The following ARMC3 variants were observed in gnomAD, a reference collection of about 807,000 sequenced individuals.
ARMC3 encodes armadillo repeat containing 3, also known as armadillo repeat-containing protein 3.
In ARMC3, 74 loss-of-function variants were observed where a neutral mutation model predicts 90.3. The ratio of observed to expected loss-of-function variants is 0.82; its 90% CI spans 0.68 to 0.99. The LOEUF is 0.99. Ranked by LOEUF, ARMC3 falls within the 50% of genes least tolerant of loss-of-function variation. ARMC3 has a pLI of 0.00. For synonymous variants in ARMC3, 334 were observed against 361.8 expected, an observed-to-expected ratio of 0.92 and a Z score of 0.87; for missense variants, 958 against 1,042.8, an observed-to-expected ratio of 0.92 and a Z score of 1.12.
chr10:22,935,831 T>C (rs187578820), intron 2 of ARMC3, among the ~76,000 whole-genome samples: 16 of 152,328 alleles, frequency 1.1e-4, no homozygotes, highest in African/African-American at 3.1e-4. Flanking sequence ...TCTTTAGACA[T>C]TTTAGCAAAT....
chr10:22,962,134 T>C, intron 7 of ARMC3, 56 bp downstream of exon 7: 1 of 1,286,768 alleles, frequency 7.8e-7, no homozygotes, highest in Non-Finnish European at 1.0e-6. Context: ...TCCCAAATGT[T>C]TAAAAATGAA....
intron 3 of ARMC3, among the ~76,000 whole-genome samples, chr10:22,949,592 A>C (rs1834660619): frequency 6.6e-6 from 1 of 152,230 alleles, no homozygotes; most frequent in Non-Finnish European, 1.5e-5. Flanking sequence ...TTTTAAAAAG[A>C]TGAACAGAGA....
chr10:23,029,271 T>G (rs1304729038), intron 16 of ARMC3, among the ~76,000 whole-genome samples: 1 of 152,174 alleles, frequency 6.6e-6, no homozygotes, highest in South Asian at 2.1e-4. Context: ...GCATGGGGAA[T>G]TATGGAATTC....
At chr10:22,946,699 A>G (rs200557386) in intron 3 of ARMC3, 1 of 153,242 alleles carries the variant, frequency 6.5e-6, no homozygotes, top group African/African-American at 2.4e-5. Flanking sequence ...AATTCCTAAT[A>G]GTTTATGTAG....
chr10:22,983,115 A>G (rs1416232825), intron 10 of ARMC3, among the ~76,000 whole-genome samples: 1 of 152,176 alleles, frequency 6.6e-6, no homozygotes, highest in East Asian at 1.9e-4. Flanking sequence ...TTTTTCCAGT[A>G]TGGTCACATG....
intron 2 of ARMC3, among the ~76,000 whole-genome samples, chr10:22,937,397 T>C (rs1417178557): frequency 6.6e-6 from 1 of 152,140 alleles, no homozygotes; most frequent in African/African-American, 2.4e-5. Flanking sequence ...TATAATCAGC[T>C]TTAAAAATAT....
chr10:22,984,181 C>T (rs1060761), intron 10 of ARMC3, among the ~76,000 whole-genome samples: 71,200 of 152,012 alleles, frequency 0.47, 18,095 homozygotes, highest in African/African-American at 0.68. Flanking sequence ...GTAGTTAAAA[C>T]GTAACCCTTC....
chr10:23,029,746 T>G (rs1219991511), intron 16 of ARMC3, among the ~76,000 whole-genome samples: 1 of 152,214 alleles, frequency 6.6e-6, no homozygotes, highest in Non-Finnish European at 1.5e-5. Context: ...ACCAGAACTT[T>G]TAATTAAAAT....
At chr10:23,022,656 G>T (rs1287428018) in intron 16 of ARMC3, among the ~76,000 whole-genome samples, 1 of 152,166 alleles carries the variant, frequency 6.6e-6, no homozygotes, top group East Asian at 1.9e-4. Context: ...TAGGAATCTA[G>T]GGTAAGCAAA....
chr10:23,027,700 C>G (rs1433643583), intron 16 of ARMC3, among the ~76,000 whole-genome samples: 1 of 151,532 alleles, frequency 6.6e-6, no homozygotes, highest in East Asian at 1.9e-4. Context: ...ATTGAGGGAG[C>G]CATCTCAGCC....
intron 7 of ARMC3, among the ~76,000 whole-genome samples, chr10:22,967,967 G>A (rs1835511382): frequency 6.6e-6 from 1 of 152,166 alleles, no homozygotes; most frequent in Admixed American, 6.5e-5. Flanking sequence ...ATCAGCTTCT[G>A]TCTTGCTTTT....
chr10:23,028,781 C>T (rs926442873), intron 16 of ARMC3, among the ~76,000 whole-genome samples: 4 of 152,174 alleles, frequency 2.6e-5, no homozygotes, highest in Admixed American at 2.6e-4. Context: ...GTTCAGTTTT[C>T]AAAGTCTATG....
intron 17 of ARMC3, among the ~76,000 whole-genome samples, chr10:23,032,392 A>G (rs954851734): frequency 6.6e-6 from 1 of 152,178 alleles, no homozygotes; most frequent in African/African-American, 2.4e-5. Context: ...ATAAAACTTG[A>G]AAATGTTCTT....
intron 10 of ARMC3, among the ~76,000 whole-genome samples, chr10:22,985,199 T>A (rs1836364847): frequency 6.6e-6 from 1 of 151,916 alleles, no homozygotes; most frequent in Non-Finnish European, 1.5e-5. Context: ...GAGCTCCCTC[T>A]CAGCCTTTTG....
chr10:22,963,804 C>G (rs1223740483), intron 7 of ARMC3, among the ~76,000 whole-genome samples: 1 of 150,126 alleles, frequency 6.7e-6, no homozygotes, highest in African/African-American at 2.5e-5. Flanking sequence ...GCAGAAGAAT[C>G]ACTTGAACCC....
At chr10:22,973,753 C>CTTTTTTTTTTTTT (rs56405413) in intron 8 of ARMC3, among the ~76,000 whole-genome samples, 10 of 79,922 alleles carry the variant, frequency 1.3e-4, no homozygotes, top group African/African-American at 1.7e-4. Context: ...CTTTGTCTTT[C>CTTTTTTTTTTTTT]TTTTTTTTTT....
chr10:23,027,207 T>G (rs960470236), intron 16 of ARMC3, among the ~76,000 whole-genome samples: 1 of 152,176 alleles, frequency 6.6e-6, no homozygotes, highest in Admixed American at 6.5e-5. Context: ...GAGATCATTT[T>G]GGGGGAGAAC....
chr10:22,968,578 C>T, intron 8 of ARMC3, 89 bp downstream of exon 8: 1 of 1,170,532 alleles, frequency 8.5e-7, no homozygotes, highest in South Asian at 1.8e-5. Flanking sequence ...CAGCTCACTG[C>T]AGCCTCAACC....
intron 16 of ARMC3, among the ~76,000 whole-genome samples, chr10:23,010,238 C>G (rs1837863275): frequency 6.8e-6 from 1 of 148,100 alleles, no homozygotes; most frequent in Non-Finnish European, 1.5e-5. Context: ...CCTCCTCTCT[C>G]CCTTCCCATC....
Sources: allele counts gnomAD v4.1 joint callset (sites outside exome capture counted in the v4.1 genomes callset), GRCh38; gene constraint gnomAD v4.1.1; transcripts MANE v1.5; gene names NCBI Gene and HGNC (gene_info 2026-07-23, HGNC 2026-07-21).